Variants in SLC4A10 observed in about 807,000 individuals in gnomAD.
The protein encoded by SLC4A10 is sodium-driven chloride bicarbonate exchanger.
A neutral mutation model predicts 137.7 loss-of-function variants in SLC4A10; 42 were observed. That is an observed-to-expected ratio of 0.30 (90% CI 0.24 to 0.39). The LOEUF (loss-of-function observed/expected upper bound fraction) is 0.39, where lower values mean the gene tolerates loss of function less well. SLC4A10 is among the 10% of genes least tolerant of loss of function. SLC4A10 has a pLI of 1.00. For missense variants in SLC4A10, 925 were observed against 1,355.0 expected (o/e 0.68, Z 4.98); for synonymous variants, 474 against 464.1 (o/e 1.02, Z -0.27).
At chr2:161,642,551 G>A (rs938909253) in intron 1 of SLC4A10, among the ~76,000 whole-genome samples, 2 of 151,982 alleles carry the variant, frequency 1.3e-5, no homozygotes, top group African/African-American at 4.8e-5. Flanking sequence ...TAGAACAAGT[G>A]TTAAAAATGA....
At chr2:161,982,970 TC>T (rs1700422874) in intron 26 of SLC4A10, among the ~76,000 whole-genome samples, 2 of 152,330 alleles carry the variant, frequency 1.3e-5, no homozygotes, top group South Asian at 4.1e-4. Context: ...TTTTTGAATT[TC>T]CCCTTCTCTG....
chr2:161,686,964 C>A (rs534284745), intron 1 of SLC4A10, among the ~76,000 whole-genome samples: 38 of 149,558 alleles, frequency 2.5e-4, no homozygotes, highest in Non-Finnish European at 4.6e-4. Context: ...CTCACTGCAA[C>A]CTCCGCCTCC....
chr2:161,671,837 A>T (rs1246475820), intron 1 of SLC4A10, among the ~76,000 whole-genome samples: 1 of 152,226 alleles, frequency 6.6e-6, no homozygotes, highest in African/African-American at 2.4e-5. Context: ...ATTATCTCTG[A>T]TATCAAGGTA....
chr2:161,845,187 A>T (rs2059416105), intron 4 of SLC4A10, among the ~76,000 whole-genome samples: 1 of 152,138 alleles, frequency 6.6e-6, no homozygotes, highest in Non-Finnish European at 1.5e-5. Flanking sequence ...CTATCTTTGA[A>T]GGATGAAATG....
intron 1 of SLC4A10, among the ~76,000 whole-genome samples, chr2:161,742,439 CTTTTT>C (rs35953656): frequency 1.2e-5 from 1 of 82,564 alleles, no homozygotes; most frequent in Non-Finnish European, 2.1e-5. Context: ...TTCTTTCTTT[CTTTTT>C]TTTTTTTTTT....
At chr2:161,873,527 T>G (rs1173403221) in intron 7 of SLC4A10, among the ~76,000 whole-genome samples, 3 of 57,412 alleles carry the variant, frequency 5.2e-5, no homozygotes, top group Non-Finnish European at 9.1e-5. Flanking sequence ...TGAGACCACA[T>G]CTCAAAAAAA....
At chr2:161,676,826 C>T (rs541178191) in intron 1 of SLC4A10, among the ~76,000 whole-genome samples, 32 of 152,006 alleles carry the variant, frequency 2.1e-4, no homozygotes, top group Non-Finnish European at 4.0e-4. Context: ...TCTGCACTCT[C>T]GTTTGTAGTT....
At chr2:161,680,128 C>T (rs566843083) in intron 1 of SLC4A10, among the ~76,000 whole-genome samples, 30 of 152,148 alleles carry the variant, frequency 2.0e-4, no homozygotes, top group South Asian at 8.3e-4. Context: ...TCGGATCCAC[C>T]ATCTATGTCT....
chr2:161,926,905 G>C (rs962584876), intron 15 of SLC4A10, among the ~76,000 whole-genome samples: 2 of 151,840 alleles, frequency 1.3e-5, no homozygotes, highest in Non-Finnish European at 2.9e-5. Flanking sequence ...CTTCTGGCTT[G>C]TAGAGTTTCT....
At chr2:161,777,713 C>T (rs111758173) in intron 2 of SLC4A10, among the ~76,000 whole-genome samples, 14 of 151,980 alleles carry the variant, frequency 9.2e-5, no homozygotes, top group African/African-American at 2.2e-4. Context: ...GAGAACAGCA[C>T]GGGAAAGACC....
chr2:161,690,876 A>C (rs1193843761), intron 1 of SLC4A10, among the ~76,000 whole-genome samples: 1 of 152,106 alleles, frequency 6.6e-6, no homozygotes, highest in East Asian at 1.9e-4. Flanking sequence ...AGGTGCAGCA[A>C]ACCACCTTGG....
intron 20 of SLC4A10, among the ~76,000 whole-genome samples, chr2:161,957,742 G>A (rs1359606797): frequency 6.6e-6 from 1 of 151,802 alleles, no homozygotes; most frequent in Admixed American, 6.6e-5. Context: ...TGCATATAGT[G>A]ATTTTTTTTT....
intron 1 of SLC4A10, among the ~76,000 whole-genome samples, chr2:161,735,096 T>A (rs190641848): frequency 6.6e-6 from 1 of 151,088 alleles, no homozygotes; most frequent in Non-Finnish European, 1.5e-5. Context: ...CTTTTTAAAT[T>A]ACCCAGTATC....
intron 4 of SLC4A10, among the ~76,000 whole-genome samples, chr2:161,842,650 CTT>C (rs2059253088): frequency 6.6e-6 from 1 of 152,068 alleles, no homozygotes. Context: ...TAAATATAGA[CTT>C]AAATTTAAAA....
rs79350168 is a variant in SLC4A10, at chr2:161,799,438, T to G, written c.131-5011T>G. Among the ~76,000 whole-genome samples the G allele has an allele frequency of 9.3e-4, 141 of 152,044 alleles. 1 individual carries two copies. Among genetic ancestry groups the G allele is most frequent in the African/African-American group, 3.1e-3 (127 of 41,560 alleles). On this transcript the variant is annotated intron_variant, in intron 2 of 26. Transcript: ENST00000446997. ...ATCTGGAAATGTTATTTCTGTACTA[T>G]TCTTTACAGGACCTGAGGGGATTCT...
At chr2:161,956,935 C>G in intron 19 of SLC4A10, 54 bp from the exon 20 acceptor site, 1 of 1,516,708 alleles carries the variant, frequency 6.6e-7, no homozygotes, top group Non-Finnish European at 8.8e-7. Context: ...TCAGGCCACC[C>G]TTAGCCCTGT....
intron 2 of SLC4A10, among the ~76,000 whole-genome samples, chr2:161,800,627 T>C (rs189265441): frequency 2.6e-5 from 4 of 152,118 alleles, no homozygotes; most frequent in Admixed American, 1.3e-4. Flanking sequence ...GAATCATCTA[T>C]ATGTGTTTTG....
intron 1 of SLC4A10, among the ~76,000 whole-genome samples, chr2:161,639,582 A>G (rs949534217): frequency 1.3e-5 from 2 of 152,136 alleles, no homozygotes; most frequent in African/African-American, 4.8e-5. Flanking sequence ...TCCCTTTGTG[A>G]TAAAAACCCT....
At chr2:161,934,391 C>T (rs1398789539) in intron 15 of SLC4A10, among the ~76,000 whole-genome samples, 1 of 152,044 alleles carries the variant, frequency 6.6e-6, no homozygotes, top group Non-Finnish European at 1.5e-5. Flanking sequence ...TAATTTTTAG[C>T]TCCCACAAAT....
Sources: gnomAD v4.1 joint callset for allele counts (sites outside exome capture counted in the v4.1 genomes callset) on GRCh38, gnomAD v4.1.1 for gene constraint, MANE v1.5 for transcripts, NCBI Gene and HGNC (gene_info 2026-07-23, HGNC 2026-07-21) for gene names.